Variants in DEFB114 observed in about 807,000 individuals in gnomAD.
The protein encoded by DEFB114 is defensin beta 114, also known as beta-defensin 114.
Under a neutral mutation model 2.4 loss-of-function variants are expected in DEFB114, and 4 were observed. The ratio of observed to expected loss-of-function variants is 1.67; its 90% CI spans 0.82 to 3.82. The LOEUF (loss-of-function observed/expected upper bound fraction) is 3.82. Ranked by LOEUF, DEFB114 falls within the 30% of genes most tolerant of loss-of-function variation. The pLI is 0.01. For synonymous variants in DEFB114, 35 were observed against 24.6 expected (o/e 1.42, Z -1.26); for missense variants, 113 against 85.8 (o/e 1.32, Z -1.25).
chr6:49,963,874 G>A (rs1773500929), intron 1 of DEFB114, among the ~76,000 whole-genome samples, 177 bp downstream of exon 1: 1 of 149,926 alleles, frequency 6.7e-6, no homozygotes, highest in African/African-American at 2.4e-5. Flanking sequence ...AGAATGAGGT[G>A]GGTACAGTAC....
At chr6:49,963,655 G>A (rs1318048552) in intron 1 of DEFB114, among the ~76,000 whole-genome samples, 3 of 149,816 alleles carry the variant, frequency 2.0e-5, no homozygotes, top group East Asian at 3.9e-4. Context: ...TATAGATTCT[G>A]TTATTGATAT....
At chr6:49,962,832 C>T (rs530361974) in intron 1 of DEFB114, among the ~76,000 whole-genome samples, 26 of 150,244 alleles carry the variant, frequency 1.7e-4, no homozygotes, top group Middle Eastern at 3.4e-3. Context: ...TTATTTATTA[C>T]GTTGTTCTGT....
At chr6:49,961,344 T>TATC (rs1270668394) in intron 1 of DEFB114, among the ~76,000 whole-genome samples, 1 of 150,728 alleles carries the variant, frequency 6.6e-6, no homozygotes, top group African/African-American at 2.4e-5. Context: ...TTTCTCTTTA[T>TATC]ATCAACTGTA....
chr6:49,961,113 C>T (rs1005242344), intron 1 of DEFB114, among the ~76,000 whole-genome samples: 1 of 150,388 alleles, frequency 6.6e-6, no homozygotes, highest in African/African-American at 2.4e-5. Flanking sequence ...ACCAATTGGT[C>T]TTCCTTAGTT....
chr6:49,960,411 T>TG lies in DEFB114; in HGVS notation c.90dup (p.Lys31GlnfsTer7), dbSNP rs1773438330. 6.2e-7 allele frequency: 1 copy of TG among 1,606,782 alleles called. No homozygotes were observed. Among genetic ancestry groups the TG allele is most frequent in the African/African-American group, 1.3e-5 (1 of 74,112 alleles). On this transcript the variant is annotated frameshift_variant, in exon 2 of 2. Coordinates refer to ENST00000322066, the MANE Select transcript of DEFB114 (RefSeq NM_001037499.2). LOFTEE classifies it low-confidence loss of function (END_TRUNC). ...TCTCTTTTACAACGACCGTAACGTT[T>TG]GGTGCAACGATCAGCATTCACCAAG... is the stretch of plus-strand genomic sequence containing the variant.
intron 1 of DEFB114, among the ~76,000 whole-genome samples, chr6:49,961,706 A>T (rs1000830120): frequency 5.3e-5 from 8 of 150,886 alleles, no homozygotes; most frequent in Admixed American, 4.6e-4. Flanking sequence ...TTAAACATTA[A>T]GGACCTATGT....
chr6:49,960,580 T>C, intron 1 of DEFB114, 134 bp from the exon 2 acceptor site: 1 of 827,644 alleles, frequency 1.2e-6, no homozygotes, highest in Non-Finnish European at 1.8e-6. Flanking sequence ...ATGTATATCT[T>C]ATACCCCATG....
At chr6:49,963,045 C>T (rs1773487943) in intron 1 of DEFB114, among the ~76,000 whole-genome samples, 1 of 150,142 alleles carries the variant, frequency 6.7e-6, no homozygotes, top group African/African-American at 2.4e-5. Context: ...ATACCCAGCC[C>T]AGATAGGTTC....
chr6:49,961,063 AATATATTGTGG>A (rs1773452727), intron 1 of DEFB114, among the ~76,000 whole-genome samples: 1 of 150,808 alleles, frequency 6.6e-6, no homozygotes. Flanking sequence ...GAATTTTAAA[AATATATTGTGG>A]ATAGTAACTT....
chr6:49,962,451 T>C (rs542829143), intron 1 of DEFB114, among the ~76,000 whole-genome samples: 95 of 150,638 alleles, frequency 6.3e-4, no homozygotes, highest in Non-Finnish European at 1.1e-3. Flanking sequence ...GTCTGTCTTT[T>C]TTATACTGTT....
intron 1 of DEFB114, among the ~76,000 whole-genome samples, chr6:49,961,978 T>C (rs1033658786): frequency 6.6e-6 from 1 of 150,764 alleles, no homozygotes; most frequent in Non-Finnish European, 1.5e-5. Flanking sequence ...TATCATATAG[T>C]GGACTGTTAC....
At chr6:49,962,471 T>C (rs1378083848) in intron 1 of DEFB114, among the ~76,000 whole-genome samples, 1 of 150,470 alleles carries the variant, frequency 6.6e-6, no homozygotes, top group Non-Finnish European at 1.5e-5. Context: ...TTTATGTATG[T>C]TCTTTATATA....
In DEFB114 at chr6:49,961,865, A is replaced by G. The variant is rs973678553; in HGVS notation, c.56-1419T>C. Among the ~76,000 whole-genome samples, 3 of 150,892 alleles carry G rather than the reference A, an allele frequency of 2.0e-5. No individual in the cohort carries two copies. The East Asian group carries it at 5.8e-4, about 29-fold the overall frequency. Reference sequence around the variant, plus strand: ...TCATTTTAAAGCTTTATGTGAATGCAACAGTACAGCACATATATTTTTACA... The same window carrying G: ...TCATTTTAAAGCTTTATGTGAATGCGACAGTACAGCACATATATTTTTACA... On this transcript the variant is annotated intron_variant, in intron 1 of 1. Transcript: ENST00000322066.
At chr6:49,960,595 T>C (rs573518223) in intron 1 of DEFB114, 149 bp from the exon 2 acceptor site, 6 of 646,620 alleles carry the variant, frequency 9.3e-6, no homozygotes, top group South Asian at 6.8e-5. Flanking sequence ...CCCATGTATA[T>C]ATAACTATCT....
At chr6:49,961,217 G>A (rs1338433644) in intron 1 of DEFB114, among the ~76,000 whole-genome samples, 1 of 150,398 alleles carries the variant, frequency 6.6e-6, no homozygotes, top group African/African-American at 2.4e-5. Context: ...AAACAATTTT[G>A]TATTTTTATA....
At chr6:49,960,994 T>G (rs1278483090) in intron 1 of DEFB114, among the ~76,000 whole-genome samples, 2 of 150,802 alleles carry the variant, frequency 1.3e-5, no homozygotes, top group African/African-American at 4.8e-5. Context: ...TTTTATAAAA[T>G]TTTTTACATG....
intron 1 of DEFB114, among the ~76,000 whole-genome samples, chr6:49,962,833 G>A (rs533355569): frequency 6.7e-5 from 10 of 150,130 alleles, no homozygotes; most frequent in East Asian, 5.9e-4. Flanking sequence ...TATTTATTAC[G>A]TTGTTCTGTA....
At chr6:49,961,320 T>C (rs1773456623) in intron 1 of DEFB114, among the ~76,000 whole-genome samples, 1 of 150,670 alleles carries the variant, frequency 6.6e-6, no homozygotes, top group Non-Finnish European at 1.5e-5. Flanking sequence ...TAGTATTTTA[T>C]TTATTATAGT....
intron 1 of DEFB114, among the ~76,000 whole-genome samples, chr6:49,962,800 C>A (rs916833045): frequency 6.7e-6 from 1 of 150,174 alleles, no homozygotes; most frequent in African/African-American, 2.4e-5. Context: ...TGCAATGGAA[C>A]CAGCCCTATT....
Sources: allele counts gnomAD v4.1 joint callset (sites outside exome capture counted in the v4.1 genomes callset), GRCh38; gene constraint gnomAD v4.1.1; transcripts MANE v1.5; gene names NCBI Gene and HGNC (gene_info 2026-07-23, HGNC 2026-07-21).